The following SEC24B variants were observed in gnomAD, a reference collection of about 807,000 sequenced individuals.
SEC24B encodes SEC24 homolog B, COPII component.
In SEC24B, 45 loss-of-function variants were observed where a neutral mutation model predicts 142.8. That is an observed-to-expected ratio of 0.32 (90% CI 0.25 to 0.40). The LOEUF is 0.40. SEC24B is among the 10% of genes least tolerant of loss of function. SEC24B has a pLI of 1.00. For missense variants in SEC24B, 1,409 were observed against 1,526.8 expected, an observed-to-expected ratio of 0.92 and a Z score of 1.29; for synonymous variants, 574 against 568.2, an observed-to-expected ratio of 1.01 and a Z score of -0.15.
chr4:109,506,793 C>A (rs1457957130), intron 7 of SEC24B, among the ~76,000 whole-genome samples: 1 of 152,002 alleles, frequency 6.6e-6, no homozygotes, highest in African/African-American at 2.4e-5. Flanking sequence ...TTTTTTATTT[C>A]TTAAATCTTT....
At chr4:109,480,190 T>G (rs2125981002) in intron 3 of SEC24B, among the ~76,000 whole-genome samples, 2 of 152,272 alleles carry the variant, frequency 1.3e-5, no homozygotes, top group Middle Eastern at 6.8e-3. Flanking sequence ...CCTTTGCTTC[T>G]AAACTAAAAT....
intron 1 of SEC24B, among the ~76,000 whole-genome samples, chr4:109,434,656 C>T (rs1728225948): frequency 1.3e-5 from 2 of 152,342 alleles, no homozygotes; most frequent in Admixed American, 1.3e-4. Context: ...GCTGCGGCTG[C>T]TGCTCAAGCT....
chr4:109,461,896 T>C (rs943836415), intron 1 of SEC24B, among the ~76,000 whole-genome samples: 1 of 152,130 alleles, frequency 6.6e-6, no homozygotes, highest in African/African-American at 2.4e-5. Flanking sequence ...GTCACTTGAC[T>C]CTAGGAGTTT....
chr4:109,494,646 T>G lies in SEC24B; in HGVS notation c.1278T>G (p.Ala426=), dbSNP rs1735344989. 1 of 1,614,118 alleles carries G rather than the reference T, an allele frequency of 6.2e-7. No individual in the cohort carries two copies. Among genetic ancestry groups the G allele is most frequent in the Non-Finnish European group, 8.5e-7 (1 of 1,180,032 alleles). The change falls in exon 6 of 24, where the codon GCT becomes GCG. Residue 426 remains alanine (A), a synonymous_variant. Coordinates refer to ENST00000265175, the MANE Select transcript of SEC24B (RefSeq NM_006323.5). ...DMLSSSASSP[A]PDPAPEPDPA... Reference sequence around the variant, plus strand: ...TTTCTTCATCAGCAAGCAGTCCTGCTCCTGATCCCGCCCCTGAACCTGATC... The same window carrying G: ...TTTCTTCATCAGCAAGCAGTCCTGCGCCTGATCCCGCCCCTGAACCTGATC...
chr4:109,534,081 C>T (rs893633457), intron 22 of SEC24B, among the ~76,000 whole-genome samples: 6 of 150,220 alleles, frequency 4.0e-5, no homozygotes, highest in African/African-American at 1.2e-4. Flanking sequence ...CTTGCTCTGT[C>T]GCCCAGATTG....
Position 109,516,558 on chromosome 4 carries a change from T to C in SEC24B, c.2044T>C (p.Phe682Leu), listed in dbSNP as rs1486705642. 6.2e-7 allele frequency: 1 copy of C among 1,612,500 alleles called. No individual in the cohort carries two copies. The highest frequency in any genetic ancestry group is 8.5e-7 in the Non-Finnish European group (1 of 1,179,140). The change falls in exon 11 of 24, where the codon TTT (phenylalanine) becomes CTT (leucine). Residue 682 changes from phenylalanine to leucine, a missense_variant. Transcript: ENST00000265175. Reference protein sequence around the residue: ...LRPPQPAVYLFVLDVSHNAVE... With the variant: ...LRPPQPAVYLLVLDVSHNAVE... Reference sequence around the variant, plus strand: ...TCCTCCTCAACCTGCAGTTTACTTGTTTGTTTTAGATGTGTCTCATAATGC... The same window carrying C: ...TCCTCCTCAACCTGCAGTTTACTTGCTTGTTTTAGATGTGTCTCATAATGC...
At position 109,540,104 on chromosome 4, in the gene SEC24B, A is replaced by G. The variant is rs1255609081; in HGVS notation, c.*429A>G. The G allele has an allele frequency of 1.3e-5, 2 of 153,028 alleles. No individual in the cohort carries two copies. The highest frequency in any genetic ancestry group is 2.9e-5 in the Non-Finnish European group (2 of 68,614). 9.5% of individuals were successfully genotyped at this position (153,028 alleles called of 1,614,324 possible). On this transcript the variant is annotated 3_prime_UTR_variant, in exon 24 of 24. Transcript: ENST00000265175. ...CATTGGTACCGTGTTATTTGTTTAT[A>G]TGAATTACTTTTTAACAAGGAATGT...
chr4:109,490,557 C>A (rs965214944), intron 4 of SEC24B, among the ~76,000 whole-genome samples: 1 of 151,964 alleles, frequency 6.6e-6, no homozygotes, highest in Non-Finnish European at 1.5e-5. Context: ...CGCTAGCATA[C>A]GTACCCAGGA....
intron 1 of SEC24B, among the ~76,000 whole-genome samples, chr4:109,460,069 A>G (rs1731101112): frequency 6.6e-6 from 1 of 152,184 alleles, no homozygotes; most frequent in Non-Finnish European, 1.5e-5. Context: ...TACACCTAGT[A>G]AAATAGCGTT....
chr4:109,492,276 G>A (rs1735098814), intron 5 of SEC24B, among the ~76,000 whole-genome samples: 1 of 152,020 alleles, frequency 6.6e-6, no homozygotes, highest in Admixed American at 6.6e-5. Flanking sequence ...AAACGACTCA[G>A]TTTTTTGTAG....
intron 1 of SEC24B, among the ~76,000 whole-genome samples, chr4:109,452,887 A>T (rs555374685): frequency 1.3e-5 from 2 of 152,012 alleles, no homozygotes; most frequent in South Asian, 2.1e-4. Context: ...ATTTTATTTT[A>T]TTTTTTTAGA....
In SEC24B at chr4:109,491,413, T is replaced by C; in HGVS notation, c.1246+6T>C. On this transcript the variant is annotated splice_donor_region_variant and intron_variant, in intron 5 of 23. Transcript: ENST00000265175. ...GGAAGGAGGCAGTTACCCAGGTAATTTGTTTTGTGCTTGCTTGATCTTCAT... is the reference window on the plus strand; with the variant it reads ...GGAAGGAGGCAGTTACCCAGGTAATCTGTTTTGTGCTTGCTTGATCTTCAT... 6.2e-7 allele frequency: 1 copy of C among 1,607,836 alleles called. No individual in the cohort carries two copies. Among genetic ancestry groups the C allele is most frequent in the Non-Finnish European group, 8.5e-7 (1 of 1,174,486 alleles).
intron 20 of SEC24B, among the ~76,000 whole-genome samples, chr4:109,532,160 A>G (rs1725001051): frequency 6.6e-6 from 1 of 152,164 alleles, no homozygotes. Flanking sequence ...CCTGGCCAAT[A>G]TTGACTGCTT....
At chr4:109,486,067 T>C (rs1734320379) in intron 4 of SEC24B, among the ~76,000 whole-genome samples, 1 of 152,210 alleles carries the variant, frequency 6.6e-6, no homozygotes, top group South Asian at 2.1e-4. Context: ...TCTGTAGCAC[T>C]GTTTGGAGAT....
At chr4:109,530,049 A>G (rs1323219758) in intron 18 of SEC24B, among the ~76,000 whole-genome samples, 1 of 152,146 alleles carries the variant, frequency 6.6e-6, no homozygotes, top group Non-Finnish European at 1.5e-5. Flanking sequence ...AAATGTTTTT[A>G]GACTTAAGAG....
chr4:109,518,090 C>T (rs933718447), intron 11 of SEC24B, among the ~76,000 whole-genome samples: 2 of 152,078 alleles, frequency 1.3e-5, no homozygotes, highest in Non-Finnish European at 2.9e-5. Context: ...GCCTCAGCCT[C>T]CCAAATAGCT....
intron 13 of SEC24B, 104 bp downstream of exon 13, chr4:109,521,276 A>G (rs1292595507): frequency 1.0e-6 from 1 of 972,816 alleles, no homozygotes; most frequent in Non-Finnish European, 1.6e-6. Context: ...TACAAATAAT[A>G]GACAATATAA....
intron 6 of SEC24B, among the ~76,000 whole-genome samples, chr4:109,497,694 G>A (rs1195239355): frequency 5.3e-5 from 8 of 152,024 alleles, no homozygotes; most frequent in Non-Finnish European, 1.0e-4. Flanking sequence ...GAATAGACCA[G>A]TTTGTTTATT....
chr4:109,469,374 A>G (rs1261176702), intron 2 of SEC24B, among the ~76,000 whole-genome samples: 1 of 152,200 alleles, frequency 6.6e-6, no homozygotes, highest in Admixed American at 6.5e-5. Context: ...GAGTTGTTCT[A>G]ATGTTGGGAG....
Sources: allele counts gnomAD v4.1 joint callset (sites outside exome capture counted in the v4.1 genomes callset), GRCh38; gene constraint gnomAD v4.1.1; transcripts MANE v1.5; gene names NCBI Gene and HGNC (gene_info 2026-07-23, HGNC 2026-07-21).